GRIP1: variants seen among roughly 807,000 people sequenced by gnomAD.
The protein encoded by GRIP1 is glutamate receptor interacting protein 1.
GRIP1 carries 45 observed loss-of-function variants against 129.9 expected under a neutral mutation model. The observed-to-expected ratio is 0.35, with a 90% CI of 0.27 to 0.44. GRIP1 has a LOEUF of 0.44. GRIP1 is among the 20% of genes least tolerant of loss of function. The pLI is 1.00. For missense variants in GRIP1, 1,196 were observed against 1,396.8 expected (o/e 0.86, Z 2.29); for synonymous variants, 530 against 520.8 (o/e 1.02, Z -0.24).
intron 2 of GRIP1, among the ~76,000 whole-genome samples, chr12:66,570,405 C>T (rs748738595): frequency 1.4e-4 from 21 of 152,142 alleles, no homozygotes; most frequent in Non-Finnish European, 2.5e-4. Context: ...GCCACCACAC[C>T]GGGCCTCAAC....
At chr12:66,663,722 C>A (rs1009356984) in intron 1 of GRIP1, among the ~76,000 whole-genome samples, 1 of 152,166 alleles carries the variant, frequency 6.6e-6, no homozygotes, top group East Asian at 1.9e-4. Context: ...TTGCCTCCTA[C>A]ACATATGAAC....
intron 1 of GRIP1, among the ~76,000 whole-genome samples, chr12:67,065,722 T>A (rs2043613340): frequency 6.6e-6 from 1 of 152,176 alleles, no homozygotes; most frequent in Non-Finnish European, 1.5e-5. Flanking sequence ...GGCACACAAG[T>A]AAGAAGGTAT....
rs35373698 is a variant in GRIP1 at position 66,539,545 on chromosome 12, C to CTTTTTTTTTTTTTTTTTT, written c.273-340_273-323dup. Among the ~76,000 whole-genome samples, 48 of 59,294 alleles carry CTTTTTTTTTTTTTTTTTT rather than the reference C, an allele frequency of 8.1e-4. 1 individual carries two copies. Among genetic ancestry groups the CTTTTTTTTTTTTTTTTTT allele is most frequent in the Admixed American group, 1.3e-3 (5 of 3,814 alleles). The allele number at this position is 59,294 out of a possible 152,430, so 38.9% of individuals were successfully genotyped here. A position where few individuals can be genotyped will look rare whatever the true frequency, so the allele number is the denominator to read the frequency against. Reference sequence around the variant, plus strand: ...CACCATAAAACAAAATCAAGAGAAGCTTTTTTTTTTTTTTTTTTTTTTTTC... The same window carrying CTTTTTTTTTTTTTTTTTT: ...CACCATAAAACAAAATCAAGAGAAGCTTTTTTTTTTTTTTTTTTTTTTTTTTTTTTTTTTTTTTTTTTC... On this transcript the variant is annotated intron_variant, in intron 3 of 24. Coordinates refer to ENST00000359742, the MANE Select transcript of GRIP1 (RefSeq NM_001366722.1).
intron 1 of GRIP1, among the ~76,000 whole-genome samples, chr12:66,659,700 T>C (rs1179603367): frequency 6.6e-6 from 1 of 152,186 alleles, no homozygotes; most frequent in Non-Finnish European, 1.5e-5. Context: ...TGACAGTATG[T>C]TTTGTATGTT....
intron 1 of GRIP1, among the ~76,000 whole-genome samples, chr12:66,676,236 A>G (rs546610762): frequency 1.3e-5 from 2 of 152,204 alleles, no homozygotes; most frequent in African/African-American, 4.8e-5. Context: ...TTTGTTAAGT[A>G]TGTATTAGAT....
rs557973029 is a variant in GRIP1 at position 66,368,536 on chromosome 12, A to G, written c.3012+3158T>C. Among the ~76,000 whole-genome samples the G allele has an allele frequency of 4.4e-4, 67 of 152,238 alleles. No individual in the cohort carries two copies. The South Asian group carries it at 0.014, about 32-fold the overall frequency. ...GAATTCCTCCACTAGGTCCATTTGG[A>G]AAAGAGTACCAAGGAGGCTCAGGGG... On this transcript the variant is annotated intron_variant, in intron 23 of 24. Transcript: ENST00000359742.
At chr12:66,761,645 C>A (rs2037479462) in intron 1 of GRIP1, among the ~76,000 whole-genome samples, 1 of 152,184 alleles carries the variant, frequency 6.6e-6, no homozygotes, top group Admixed American at 6.5e-5. Context: ...ACAGGTATTT[C>A]ATATTGACCT....
rs541768069 is a variant in GRIP1, at chr12:66,586,215, A to G, written c.136+10632T>C. Among the ~76,000 whole-genome samples the G allele has an allele frequency of 2.6e-4, 39 of 152,152 alleles. No individual in the cohort carries two copies. The South Asian group carries it at 7.1e-3, about 28-fold the overall frequency. On this transcript the variant is annotated intron_variant, in intron 2 of 24. Coordinates refer to ENST00000359742, the MANE Select transcript of GRIP1 (RefSeq NM_001366722.1). ...TTACTCCCACCTTTTCACCGAATCT[A>G]TTTTTGTCAGGGTCACCAAACCTCT... is the stretch of plus-strand genomic sequence containing the variant.
rs753450903 is a variant in GRIP1 at position 66,379,352 on chromosome 12, G to C, written c.2549C>G (p.Thr850Ser). The C allele has an allele frequency of 1.2e-6, 2 of 1,614,050 alleles. No homozygotes were observed. Among genetic ancestry groups the C allele is most frequent in the South Asian group, 1.1e-5 (1 of 91,072 alleles). ...PKQRGSLSPV[T>S]KPRSQTYPDV... ...TGGGTAAGTCTGGCTTCGAGGCTTA[G>C]TGACTGGGGACAAGCTGCCTCTCTG... is the stretch of plus-strand genomic sequence containing the variant. The change falls in exon 20 of 25, where the codon ACT becomes AGT. Residue 850 changes from threonine to serine, a missense_variant. This residue lies in a region of GRIP1 where 427 missense variants were observed against 463.3 expected (regional missense o/e 0.92). Coordinates refer to ENST00000359742, the MANE Select transcript of GRIP1 (RefSeq NM_001366722.1).
intron 11 of GRIP1, among the ~76,000 whole-genome samples, chr12:66,450,011 G>T (rs1344319278): frequency 6.6e-6 from 1 of 151,960 alleles, no homozygotes; most frequent in East Asian, 1.9e-4. Context: ...CACTAAGAAA[G>T]AGCCAAGAGC....
At chr12:66,444,107 GA>G (rs1178943809) in intron 13 of GRIP1, among the ~76,000 whole-genome samples, 1 of 152,160 alleles carries the variant, frequency 6.6e-6, no homozygotes, top group East Asian at 1.9e-4. Context: ...TTCTTGTGGT[GA>G]CATTTTAAGG....
intron 2 of GRIP1, among the ~76,000 whole-genome samples, chr12:66,574,454 T>A (rs2063070853): frequency 6.6e-6 from 1 of 152,246 alleles, no homozygotes; most frequent in Non-Finnish European, 1.5e-5. Flanking sequence ...ACATTTCACC[T>A]AAATTGGATT....
At chr12:66,430,209 T>A (rs962442252) in intron 14 of GRIP1, among the ~76,000 whole-genome samples, 10 of 152,184 alleles carry the variant, frequency 6.6e-5, no homozygotes, top group African/African-American at 2.4e-4. Flanking sequence ...GCCTTTTTGT[T>A]TTTCTTTTTT....
At chr12:66,494,884 T>A (rs1005268567) in intron 7 of GRIP1, among the ~76,000 whole-genome samples, 1 of 151,808 alleles carries the variant, frequency 6.6e-6, no homozygotes, top group African/African-American at 2.4e-5. Flanking sequence ...GAAAGAAGCA[T>A]CTCAGAAACA....
intron 1 of GRIP1, among the ~76,000 whole-genome samples, chr12:66,838,490 ACT>A (rs2039657174): frequency 6.6e-6 from 1 of 152,268 alleles, no homozygotes; most frequent in South Asian, 2.1e-4. Flanking sequence ...GAGACGCAAA[ACT>A]CTGATCAGAC....
chr12:66,910,626 A>G (rs2041013647), intron 1 of GRIP1, among the ~76,000 whole-genome samples: 1 of 152,144 alleles, frequency 6.6e-6, no homozygotes, highest in South Asian at 2.1e-4. Flanking sequence ...TTAACCTCAA[A>G]AACATTTTGA....
intron 7 of GRIP1, among the ~76,000 whole-genome samples, chr12:66,498,109 C>T (rs1254047094): frequency 6.6e-6 from 1 of 152,174 alleles, no homozygotes; most frequent in Non-Finnish European, 1.5e-5. Context: ...CTGCCCCACC[C>T]TTATCTCCCT....
chr12:66,904,560 T>C (rs1352645823), intron 1 of GRIP1, among the ~76,000 whole-genome samples: 1 of 140,396 alleles, frequency 7.1e-6, no homozygotes, highest in Non-Finnish European at 1.6e-5. Context: ...AGTTATTTGC[T>C]TATGAAACCC....
intron 16 of GRIP1, among the ~76,000 whole-genome samples, chr12:66,404,391 A>G (rs150719523): frequency 3.3e-5 from 5 of 152,318 alleles, no homozygotes; most frequent in African/African-American, 9.6e-5. Flanking sequence ...CAATGAAATT[A>G]TATACAGTAG....
Sources: gnomAD v4.1 joint callset for allele counts (sites outside exome capture counted in the v4.1 genomes callset) on GRCh38, gnomAD v4.1.1 for gene constraint, gnomAD v4.1.1 regional missense constraint, MANE v1.5 for transcripts, NCBI Gene and HGNC (gene_info 2026-07-23, HGNC 2026-07-21) for gene names.